The following ENTPD5 variants were observed in gnomAD, a reference collection of about 807,000 sequenced individuals.
The protein encoded by ENTPD5 is ectonucleoside triphosphate diphosphohydrolase 5 (inactive), also known as nucleoside diphosphate phosphatase ENTPD5.
Under a neutral mutation model 60.2 loss-of-function variants are expected in ENTPD5, and 49 were observed. The ratio of observed to expected loss-of-function variants is 0.81; its 90% CI spans 0.65 to 1.03. ENTPD5 has a LOEUF of 1.03. Among genes scored for constraint, ENTPD5 ranks in the 50% least tolerant of loss-of-function variants. The pLI is 0.00. For missense variants in ENTPD5, 480 were observed against 507.6 expected (o/e 0.95, Z 0.52); for synonymous variants, 187 against 185.4 (o/e 1.01, Z -0.07).
chr14:73,958,179 A>G (rs2056535247), downstream of ENTPD5: 1 of 1,613,922 alleles, frequency 6.2e-7, no homozygotes, highest in African/African-American at 1.3e-5. Context: ...GAGCAAAGCC[A>G]TTCGCTATAC....
At chr14:73,970,308 G>A (rs770351267) in intron 14 of ENTPD5, among the ~76,000 whole-genome samples, 183 bp from the exon 15 acceptor site, 11 of 151,988 alleles carry the variant, frequency 7.2e-5, no homozygotes, top group Admixed American at 2.0e-4. Flanking sequence ...CCTGGCCAAC[G>A]TGGTGAAACC....
downstream of ENTPD5, chr14:73,963,021 A>G: frequency 6.3e-7 from 1 of 1,586,288 alleles, no homozygotes; most frequent in Non-Finnish European, 8.7e-7. Context: ...CTAAAGAAAG[A>G]TTACGTTGAT....
downstream of ENTPD5, among the ~76,000 whole-genome samples, chr14:73,957,418 C>T (rs1262176708): frequency 6.6e-6 from 1 of 152,138 alleles, no homozygotes; most frequent in Non-Finnish European, 1.5e-5. Flanking sequence ...GACAGTATGA[C>T]TGACTGACAT....
At chr14:74,007,246 G>A (rs2058705557) in intron 3 of ENTPD5, among the ~76,000 whole-genome samples, 1 of 152,168 alleles carries the variant, frequency 6.6e-6, no homozygotes, top group Non-Finnish European at 1.5e-5. Flanking sequence ...GTATGGCCGG[G>A]CGCGGTGGCT....
Position 73,987,162 on chromosome 14 carries a change from G to A in ENTPD5, c.218-269C>T, listed in dbSNP as rs75238165. ...ATAAGTGACCTGAGGAAAAAACACT[G>A]ACAATTCAGAAAAAGTTAATCTTCA... On this transcript the variant is annotated intron_variant, in intron 4 of 15. Coordinates refer to ENST00000334696, the MANE Select transcript of ENTPD5 (RefSeq NM_001249.5). The A allele has an allele frequency of 1.9e-3, 1,313 of 701,766 alleles. 13 individuals carry two copies. In the African/African-American group the frequency reaches 0.021, roughly 11 times the overall value. 43.5% of individuals were successfully genotyped at this position (701,766 alleles called of 1,614,324 possible).
At position 74,006,743 on chromosome 14, in the gene ENTPD5, C is replaced by G. The variant is rs1347144126; in HGVS notation, c.-71+4348G>C. 4.2e-5 allele frequency among the ~76,000 whole-genome samples: 6 copies of G among 141,218 alleles called. No homozygotes were observed. In the East Asian group the frequency reaches 1.2e-3, roughly 27 times the overall value. 92.6% of individuals were successfully genotyped at this position (141,218 alleles called of 152,430 possible). On this transcript the variant is annotated intron_variant, in intron 3 of 15. Transcript: ENST00000334696. Reference sequence around the variant, plus strand: ...TAGACTACAGGAATGAGCCACCATGCCCAGTGAATTTTCAAATTTTTTATA... The same window carrying G: ...TAGACTACAGGAATGAGCCACCATGGCCAGTGAATTTTCAAATTTTTTATA...
chr14:73,955,437 CCTTT>C (rs1171177562), downstream of ENTPD5: 27 of 1,612,586 alleles, frequency 1.7e-5, no homozygotes, highest in Non-Finnish European at 2.1e-5. Context: ...GTCTATAGAT[CCTTT>C]CTTTTGTAGG....
chr14:73,973,696 G>C (rs1341127222), intron 12 of ENTPD5, among the ~76,000 whole-genome samples, 181 bp downstream of exon 12: 1 of 152,206 alleles, frequency 6.6e-6, no homozygotes, highest in Non-Finnish European at 1.5e-5. Flanking sequence ...GGCTGATGCA[G>C]AATGACAGCT....
At chr14:74,003,022 C>G (rs1002326687) in intron 3 of ENTPD5, among the ~76,000 whole-genome samples, 7 of 152,182 alleles carry the variant, frequency 4.6e-5, no homozygotes, top group Non-Finnish European at 1.5e-5. Flanking sequence ...TATATATCCA[C>G]TTGATGAATT....
intron 4 of ENTPD5, 137 bp from the exon 5 acceptor site, chr14:73,987,030 T>G (rs576274251): frequency 1.3e-6 from 1 of 744,302 alleles, no homozygotes; most frequent in Admixed American, 2.0e-5. Flanking sequence ...TTGTGAGGAA[T>G]GTCTTGCAGG....
At chr14:73,979,237 A>G (rs1412483996) in intron 6 of ENTPD5, among the ~76,000 whole-genome samples, 1 of 151,366 alleles carries the variant, frequency 6.6e-6, no homozygotes, top group East Asian at 1.9e-4. Flanking sequence ...TATTTAAAAT[A>G]GCATTTCCCC....
chr14:74,011,649 T>A (rs1285070073), intron 2 of ENTPD5, among the ~76,000 whole-genome samples: 6 of 152,014 alleles, frequency 3.9e-5, no homozygotes, highest in Non-Finnish European at 8.8e-5. Context: ...ATAAAAAAAA[T>A]TAGCCAGGTG....
In ENTPD5 at chr14:74,018,299, T is replaced by C. The variant is rs975227879; in HGVS notation, c.-238+951A>G. The stretch of plus-strand genomic sequence containing the variant: ...GGGAAACAAGGCGGAGGGGAGTAAT[T>C]AGAGGTCAAAGACATCGGGAAGGAG... On this transcript the variant is annotated intron_variant, in intron 1 of 15. Transcript: ENST00000334696. 2.6e-5 allele frequency among the ~76,000 whole-genome samples: 4 copies of C among 152,248 alleles called. No homozygotes were observed. In the East Asian group the frequency reaches 7.7e-4, roughly 29 times the overall value.
chr14:74,003,881 G>A (rs573498733), intron 3 of ENTPD5, among the ~76,000 whole-genome samples: 3 of 151,646 alleles, frequency 2.0e-5, no homozygotes, highest in African/African-American at 7.3e-5. Context: ...AGGATCACTG[G>A]AGCCCAGGAG....
At chr14:73,961,712 A>AT, downstream of ENTPD5, 1 of 1,613,882 alleles carries the variant, frequency 6.2e-7, no homozygotes, top group Non-Finnish European at 8.5e-7. Flanking sequence ...TGGATTAGGG[A>AT]TTTAATCTTT....
chr14:73,974,894 T>C, intron 11 of ENTPD5, 30 bp downstream of exon 11: 3 of 1,554,898 alleles, frequency 1.9e-6, no homozygotes, highest in Non-Finnish European at 2.6e-6. Context: ...ACCCTCACCA[T>C]CCCCCCCCAG....
chr14:74,011,455 T>A (rs939335960), intron 2 of ENTPD5, among the ~76,000 whole-genome samples: 29 of 152,060 alleles, frequency 1.9e-4, no homozygotes, highest in African/African-American at 7.0e-4. Flanking sequence ...CTGGTGTATA[T>A]GTGTGTGTAA....
intron 6 of ENTPD5, among the ~76,000 whole-genome samples, chr14:73,978,911 A>T (rs2057555251): frequency 6.7e-6 from 1 of 149,416 alleles, no homozygotes. Context: ...ATTCAGTCTC[A>T]AAAAGAAAAA....
intron 11 of ENTPD5, 66 bp from the exon 12 acceptor site, chr14:73,974,044 A>C: frequency 2.9e-6 from 4 of 1,366,442 alleles, no homozygotes; most frequent in Non-Finnish European, 3.1e-6. Flanking sequence ...GGCAAGCAAG[A>C]AGCCAGTGAG....
Sources: gnomAD v4.1 joint callset for allele counts (sites outside exome capture counted in the v4.1 genomes callset) on GRCh38, gnomAD v4.1.1 for gene constraint, MANE v1.5 for transcripts, NCBI Gene and HGNC (gene_info 2026-07-23, HGNC 2026-07-21) for gene names.